The following DDX10 variants were observed in gnomAD, a reference collection of about 807,000 sequenced individuals.
DDX10 encodes the protein probable ATP-dependent RNA helicase DDX10.
A neutral mutation model predicts 104.3 loss-of-function variants in DDX10; 74 were observed. The observed-to-expected ratio is 0.71, with a 90% confidence interval of 0.59 to 0.86. The LOEUF is 0.86. Among genes scored for constraint, DDX10 ranks in the 40% least tolerant of loss-of-function variants. DDX10 has a pLI of 0.00. For missense variants in DDX10, 952 were observed against 1,040.0 expected, an observed-to-expected ratio of 0.92 and a Z score of 1.16; for synonymous variants, 351 against 353.4, an observed-to-expected ratio of 0.99 and a Z score of 0.08.
At chr11:108,831,335 C>T (rs1397086766) in intron 13 of DDX10, among the ~76,000 whole-genome samples, 2 of 140,228 alleles carry the variant, frequency 1.4e-5, no homozygotes, top group African/African-American at 2.6e-5. Flanking sequence ...ACCCAGGAAG[C>T]GGAGGTTGCA....
chr11:108,685,840 A>G (rs952880757), intron 6 of DDX10, among the ~76,000 whole-genome samples: 1 of 152,184 alleles, frequency 6.6e-6, no homozygotes, highest in Non-Finnish European at 1.5e-5. Flanking sequence ...TAATACCAAT[A>G]TTATTACTGA....
At chr11:108,820,759 C>G (rs1862316205) in intron 13 of DDX10, among the ~76,000 whole-genome samples, 1 of 152,206 alleles carries the variant, frequency 6.6e-6, no homozygotes, top group Non-Finnish European at 1.5e-5. Context: ...AGCTCATGGT[C>G]TAGGCTGCCC....
intron 16 of DDX10, among the ~76,000 whole-genome samples, chr11:108,876,634 CT>C (rs1863157464): frequency 6.6e-6 from 1 of 152,036 alleles, no homozygotes; most frequent in African/African-American, 2.4e-5. Context: ...AAGTTTTTTC[CT>C]TTGTAAAGTG....
At chr11:108,758,544 G>A in intron 13 of DDX10, among the ~76,000 whole-genome samples, 1 of 152,056 alleles carries the variant, frequency 6.6e-6, no homozygotes, top group Non-Finnish European at 1.5e-5. Flanking sequence ...GAATCTCACT[G>A]GAGTAAAAGC....
At position 108,819,478 on chromosome 11, in the gene DDX10, G is replaced by A. The variant is rs973743729; in HGVS notation, c.1966-18968G>A. ...TTCGAAAAAGTAAAAACAGTTTTCC[G>A]TTGATATAATTATTTTTAAAATATA... On this transcript the variant is annotated intron_variant, in intron 13 of 17. Coordinates refer to ENST00000322536, the MANE Select transcript of DDX10 (RefSeq NM_004398.4). Among the ~76,000 whole-genome samples the A allele has an allele frequency of 6.6e-5, 10 of 152,190 alleles. No individual in the cohort carries two copies. In the South Asian group the frequency reaches 1.0e-3, roughly 16 times the overall value.
At chr11:108,857,463 T>G (rs1449857969) in intron 16 of DDX10, among the ~76,000 whole-genome samples, 1 of 152,174 alleles carries the variant, frequency 6.6e-6, no homozygotes, top group Non-Finnish European at 1.5e-5. Flanking sequence ...ACTCCCGTGG[T>G]CCCCTGTCTA....
intron 16 of DDX10, among the ~76,000 whole-genome samples, chr11:108,897,895 A>G (rs988409811): frequency 6.6e-6 from 1 of 152,102 alleles, no homozygotes; most frequent in African/African-American, 2.4e-5. Context: ...TTATTCTAGT[A>G]TCAACTCAAT....
At chr11:108,751,227 T>C (rs1269355408) in intron 13 of DDX10, among the ~76,000 whole-genome samples, 2 of 152,100 alleles carry the variant, frequency 1.3e-5, no homozygotes, top group Non-Finnish European at 2.9e-5. Flanking sequence ...TCTCAAAATT[T>C]ATAAGTAAAT....
At chr11:108,679,269 A>G (rs68161639) in intron 5 of DDX10, 102 bp from the exon 6 acceptor site, 55,466 of 975,658 alleles carry the variant, frequency 0.057, 1,980 homozygotes, top group Non-Finnish European at 0.071. Context: ...TTTTTCCGCT[A>G]ATGTTCTTTT....
intron 13 of DDX10, among the ~76,000 whole-genome samples, chr11:108,818,149 A>G (rs1862279880): frequency 6.6e-6 from 1 of 152,192 alleles, no homozygotes; most frequent in African/African-American, 2.4e-5. Context: ...TGCCCTCACC[A>G]GTGGACATGC....
chr11:108,915,298 A>G (rs990042745), intron 16 of DDX10, among the ~76,000 whole-genome samples: 2 of 152,198 alleles, frequency 1.3e-5, no homozygotes, highest in Non-Finnish European at 2.9e-5. Context: ...AACTGAAAGT[A>G]TTTGTTGCTG....
chr11:108,701,360 G>A (rs1046082281), intron 9 of DDX10, among the ~76,000 whole-genome samples: 3 of 152,074 alleles, frequency 2.0e-5, no homozygotes, highest in African/African-American at 7.2e-5. Context: ...GAGGTATAGG[G>A]AGAATAGAAG....
At chr11:108,898,920 T>C (rs1373173731) in intron 16 of DDX10, among the ~76,000 whole-genome samples, 1 of 152,196 alleles carries the variant, frequency 6.6e-6, no homozygotes, top group Non-Finnish European at 1.5e-5. Context: ...GGTAGATTAA[T>C]AGAAGAAATG....
intron 13 of DDX10, among the ~76,000 whole-genome samples, chr11:108,744,334 G>A (rs763478559): frequency 2.1e-4 from 32 of 152,162 alleles, no homozygotes; most frequent in South Asian, 1.9e-3. Flanking sequence ...TATGTCCCTC[G>A]TTTCTCAGGT....
At chr11:108,822,296 A>G (rs1444641930) in intron 13 of DDX10, 1 of 269,698 alleles carries the variant, frequency 3.7e-6, no homozygotes, top group Non-Finnish European at 7.2e-6. Flanking sequence ...GTCATGAGAC[A>G]TTTCTGTTTT....
At chr11:108,681,985 G>T (rs570337244) in intron 6 of DDX10, among the ~76,000 whole-genome samples, 1 of 152,130 alleles carries the variant, frequency 6.6e-6, no homozygotes, top group African/African-American at 2.4e-5. Flanking sequence ...TGGCTCGGAG[G>T]AGCCCTTTAG....
chr11:108,766,989 TGTCTTTTAA>T (rs2094357140), intron 13 of DDX10, among the ~76,000 whole-genome samples: 1 of 152,182 alleles, frequency 6.6e-6, no homozygotes, highest in Non-Finnish European at 1.5e-5. Context: ...TGCTAATTGA[TGTCTTTTAA>T]GTGGTTGTTG....
At chr11:108,809,696 C>T (rs1439781487) in intron 13 of DDX10, among the ~76,000 whole-genome samples, 1 of 152,182 alleles carries the variant, frequency 6.6e-6, no homozygotes, top group Non-Finnish European at 1.5e-5. Flanking sequence ...CTTCATGGAA[C>T]TCACATTCTA....
intron 16 of DDX10, among the ~76,000 whole-genome samples, chr11:108,858,954 A>G (rs1225108664): frequency 6.6e-6 from 1 of 152,236 alleles, no homozygotes; most frequent in Non-Finnish European, 1.5e-5. Context: ...TTCCTTGCTC[A>G]TAAATATTTG....
Sources: allele counts gnomAD v4.1 joint callset (sites outside exome capture counted in the v4.1 genomes callset), GRCh38; gene constraint gnomAD v4.1.1; transcripts MANE v1.5; gene names NCBI Gene and HGNC (gene_info 2026-07-23, HGNC 2026-07-21).